SAMMSON: variants seen among roughly 807,000 people sequenced by gnomAD.
SAMMSON encodes the protein survival associated mitochondrial melanoma specific oncogenic non-coding RNA.
intron 1 of SAMMSON, among the ~76,000 whole-genome samples, chr3:70,000,998 C>T (rs963289722): frequency 3.9e-5 from 6 of 152,012 alleles, no homozygotes; most frequent in African/African-American, 1.4e-4. Flanking sequence ...ACTGCAGGGA[C>T]GGGGAGCTTC....
chr3:70,072,398 C>T (rs940939270), intron 4 of SAMMSON: 1 of 151,786 alleles, frequency 6.6e-6, no homozygotes, highest in Non-Finnish European at 1.5e-5. Flanking sequence ...GTCCTGAGCT[C>T]AGTGAACTTT....
At chr3:70,322,932 C>T (rs1031887518) in intron 7 of SAMMSON, among the ~76,000 whole-genome samples, 3 of 151,958 alleles carry the variant, frequency 2.0e-5, no homozygotes, top group Non-Finnish European at 4.4e-5. Flanking sequence ...TAATGTTATA[C>T]AAATTCTAAG....
intron 7 of SAMMSON, among the ~76,000 whole-genome samples, chr3:70,296,122 G>A (rs1702287292): frequency 6.6e-6 from 1 of 152,010 alleles, no homozygotes; most frequent in African/African-American, 2.4e-5. Context: ...AAGGGTGAAA[G>A]CCTTTTTTAT....
At chr3:70,370,138 T>C (rs1702954661) in intron 9 of SAMMSON, among the ~76,000 whole-genome samples, 1 of 151,950 alleles carries the variant, frequency 6.6e-6, no homozygotes, top group Admixed American at 6.6e-5. Context: ...GCGAATGACA[T>C]GATGTCATTC....
chr3:70,015,897 CG>C (rs2066982907), intron 3 of SAMMSON, among the ~76,000 whole-genome samples: 1 of 152,048 alleles, frequency 6.6e-6, no homozygotes, highest in Admixed American at 6.6e-5. Flanking sequence ...ATGAACTCAT[CG>C]TTTTTTATGG....
chr3:70,376,171 G>T (rs1180000306), intron 9 of SAMMSON, among the ~76,000 whole-genome samples: 1 of 152,114 alleles, frequency 6.6e-6, no homozygotes, highest in Non-Finnish European at 1.5e-5. Context: ...AGTTGATAGG[G>T]TTTATTCAGG....
At chr3:70,300,129 A>G (rs1702333485) in intron 7 of SAMMSON, among the ~76,000 whole-genome samples, 1 of 152,058 alleles carries the variant, frequency 6.6e-6, no homozygotes, top group Admixed American at 6.6e-5. Flanking sequence ...TGAATCGCAT[A>G]TCTTCTTTGA....
intron 3 of SAMMSON, among the ~76,000 whole-genome samples, chr3:70,050,530 A>G (rs148838001): frequency 5.9e-5 from 9 of 152,284 alleles, no homozygotes; most frequent in Admixed American, 1.3e-4. Context: ...GCTTGGGACC[A>G]ACATTTTAAA....
At chr3:70,358,838 T>A (rs1381479621) in intron 9 of SAMMSON, among the ~76,000 whole-genome samples, 2 of 152,184 alleles carry the variant, frequency 1.3e-5, no homozygotes, top group African/African-American at 4.8e-5. Context: ...AAAATCCATA[T>A]AATGTAAAAG....
chr3:70,188,515 G>A (rs1463895326), intron 4 of SAMMSON, among the ~76,000 whole-genome samples: 3 of 152,160 alleles, frequency 2.0e-5, no homozygotes, highest in Admixed American at 2.0e-4. Context: ...CTCATTTCCT[G>A]GAGGAGTGAA....
At chr3:70,416,912 G>T (rs150762133) in intron 2 of SAMMSON, among the ~76,000 whole-genome samples, 5 of 152,050 alleles carry the variant, frequency 3.3e-5, no homozygotes, top group South Asian at 4.2e-4. Flanking sequence ...ATTGCTCAGG[G>T]TCTCTGCATT....
At chr3:70,259,034 G>C (rs1443094036) in intron 6 of SAMMSON, among the ~76,000 whole-genome samples, 1 of 152,148 alleles carries the variant, frequency 6.6e-6, no homozygotes, top group African/African-American at 2.4e-5. Context: ...GTGCTAATTA[G>C]AGAAAGATAC....
chr3:70,231,734 G>A (rs1192688942), intron 4 of SAMMSON, among the ~76,000 whole-genome samples: 3 of 152,176 alleles, frequency 2.0e-5, no homozygotes, highest in Non-Finnish European at 4.4e-5. Flanking sequence ...GGGACAAGGA[G>A]AGAAGAAATG....
At chr3:70,337,364 T>C (rs891150712) in intron 7 of SAMMSON, among the ~76,000 whole-genome samples, 6 of 151,560 alleles carry the variant, frequency 4.0e-5, no homozygotes, top group African/African-American at 1.5e-4. Flanking sequence ...TAGTCAAAGC[T>C]TCCTGAGAGT....
intron 6 of SAMMSON, among the ~76,000 whole-genome samples, chr3:70,275,936 T>A (rs945979077): frequency 6.6e-6 from 1 of 152,136 alleles, no homozygotes; most frequent in Non-Finnish European, 1.5e-5. Context: ...TGGTAACTAA[T>A]CAGCTTTGAT....
chr3:70,397,297 C>T (rs940546473), intron 2 of SAMMSON, among the ~76,000 whole-genome samples: 3 of 152,012 alleles, frequency 2.0e-5, no homozygotes, highest in Non-Finnish European at 4.4e-5. Flanking sequence ...TCATAGGTTC[C>T]TCAATCTTCT....
At chr3:70,333,954 C>T (rs561092172) in intron 7 of SAMMSON, among the ~76,000 whole-genome samples, 3 of 152,312 alleles carry the variant, frequency 2.0e-5, no homozygotes, top group East Asian at 3.9e-4. Flanking sequence ...CTGATGGTCA[C>T]CTATTACACA....
Position 70,060,438 on chromosome 3 carries a change from A to G in SAMMSON, n.418-11038A>G, listed in dbSNP as rs568279858. Among the ~76,000 whole-genome samples the G allele has an allele frequency of 3.0e-4, 45 of 152,274 alleles. 1 individual carries two copies. The South Asian group carries it at 8.9e-3, about 30-fold the overall frequency. Reference sequence around the variant, plus strand: ...GTCAAAAGATGCACTGACTATGGTCATAGGCACTATAATTCATATACAATA... The same window carrying G: ...GTCAAAAGATGCACTGACTATGGTCGTAGGCACTATAATTCATATACAATA... On this transcript the variant is annotated intron_variant and non_coding_transcript_variant, in intron 3 of 9. Transcript: ENST00000642114.
chr3:70,120,137 C>T (rs2067426886), intron 4 of SAMMSON: 1 of 152,084 alleles, frequency 6.6e-6, no homozygotes, highest in Non-Finnish European at 1.5e-5. Flanking sequence ...GTTAACACAT[C>T]AAAAGTGTAT....
Sources: allele counts gnomAD v4.1 joint callset (sites outside exome capture counted in the v4.1 genomes callset), GRCh38; gene constraint gnomAD v4.1.1; transcripts MANE v1.5; gene names NCBI Gene and HGNC (gene_info 2026-07-23, HGNC 2026-07-21).